The following HIBADH variants were observed in gnomAD, a reference collection of about 807,000 sequenced individuals.
HIBADH encodes 3-hydroxyisobutyrate dehydrogenase, also known as 3-hydroxyisobutyrate dehydrogenase, mitochondrial.
Under a neutral mutation model 36.1 loss-of-function variants are expected in HIBADH, and 25 were observed. That is an observed-to-expected ratio of 0.69 (90% CI 0.50 to 0.97). HIBADH has a LOEUF of 0.97. Among genes scored for constraint, HIBADH ranks in the 50% least tolerant of loss-of-function variants. The probability of loss-of-function intolerance (pLI) is 0.00; values close to 1 mark genes in which losing one functional copy is unlikely to be tolerated. For synonymous variants in HIBADH, 160 were observed against 149.5 expected (o/e 1.07, Z -0.51); for missense variants, 421 against 418.0 (o/e 1.01, Z -0.06).
chr7:27,531,221 CCT>C lies in HIBADH; in HGVS notation c.821_822del (p.Gln274ArgfsTer10). 1 of 1,613,822 alleles carries C rather than the reference CCT, an allele frequency of 6.2e-7. No individual in the cohort carries two copies. Among genetic ancestry groups the C allele is most frequent in the South Asian group, 1.1e-5 (1 of 91,052 alleles). On this transcript the variant is annotated frameshift_variant, in exon 7 of 8. Transcript: ENST00000265395. LOFTEE classifies it high-confidence loss of function. ...GCCATGAGTGTTGTTCCAAATCCACCCTGATAGTTATTAGCCGAGGGAACGCC... is the reference window on the plus strand; with the variant it reads ...GCCATGAGTGTTGTTCCAAATCCACCGATAGTTATTAGCCGAGGGAACGCC... ...MDGVPSANNY[Q>X]GGFGTTLMAK...
Position 27,623,291 on chromosome 7 carries a change from A to T in HIBADH, c.484+6080T>A, listed in dbSNP as rs117946149. ...GCCATATACAACACACTCACAGCTA[A>T]CATCATATGGAATGGGGGAAAGTTG... On this transcript the variant is annotated intron_variant, in intron 4 of 7. Coordinates refer to ENST00000265395, the MANE Select transcript of HIBADH (RefSeq NM_152740.4). 2.7e-4 allele frequency among the ~76,000 whole-genome samples: 41 copies of T among 152,314 alleles called. No individual in the cohort carries two copies. In the East Asian group the frequency reaches 7.7e-3, roughly 29 times the overall value.
At chr7:27,650,460 T>A (rs994585664) in intron 1 of HIBADH, among the ~76,000 whole-genome samples, 8 of 140,184 alleles carry the variant, frequency 5.7e-5, no homozygotes, top group African/African-American at 1.8e-4. Context: ...CTTATTATAT[T>A]TTTATTTATT....
At position 27,596,319 on chromosome 7, in the gene HIBADH, C is replaced by CACA. The variant is rs1475732581; in HGVS notation, c.484+33049_484+33051dup. Reference sequence around the variant, plus strand: ...CCTTTTCTAACATTATTAATCCATTCACAAGGGCAGAGCCCTCATGATCTA... The same window carrying CACA: ...CCTTTTCTAACATTATTAATCCATTCACAACAAGGGCAGAGCCCTCATGATCTA... On this transcript the variant is annotated intron_variant, in intron 4 of 7. Coordinates refer to ENST00000265395, the MANE Select transcript of HIBADH (RefSeq NM_152740.4). Among the ~76,000 whole-genome samples the CACA allele has an allele frequency of 2.0e-5, 3 of 152,224 alleles. No homozygotes were observed. In the East Asian group the frequency reaches 5.8e-4, roughly 29 times the overall value.
chr7:27,583,358 C>T (rs1784819197), intron 4 of HIBADH, among the ~76,000 whole-genome samples: 1 of 151,970 alleles, frequency 6.6e-6, no homozygotes, highest in Admixed American at 6.6e-5. Context: ...TGTTACAAAA[C>T]TAGTAAAAAG....
chr7:27,649,921 A>C (rs1169949827), intron 1 of HIBADH, among the ~76,000 whole-genome samples: 1 of 151,882 alleles, frequency 6.6e-6, no homozygotes, highest in African/African-American at 2.4e-5. Flanking sequence ...TTAAAAGGCA[A>C]ATTTTAAACT....
At chr7:27,544,600 G>C (rs923691894) in intron 4 of HIBADH, among the ~76,000 whole-genome samples, 1 of 151,868 alleles carries the variant, frequency 6.6e-6, no homozygotes, top group African/African-American at 2.4e-5. Flanking sequence ...TAATTATTTC[G>C]CTCAATTTCT....
intron 4 of HIBADH, among the ~76,000 whole-genome samples, chr7:27,573,551 TGGAAGAAGTATA>T (rs1784659623): frequency 6.6e-6 from 1 of 151,730 alleles, no homozygotes; most frequent in Non-Finnish European, 1.5e-5. Flanking sequence ...AAAACAGGAG[TGGAAGAAGTATA>T]GGAAAAAAGG....
chr7:27,579,062 A>C (rs1784754401), intron 4 of HIBADH, among the ~76,000 whole-genome samples: 2 of 152,210 alleles, frequency 1.3e-5, no homozygotes. Flanking sequence ...AAGATGAAGA[A>C]ACAAAACAAC....
intron 4 of HIBADH, among the ~76,000 whole-genome samples, chr7:27,606,562 G>A (rs977690359): frequency 6.6e-6 from 1 of 152,222 alleles, no homozygotes; most frequent in African/African-American, 2.4e-5. Context: ...TCAAGAGCTG[G>A]AGAATTCCCA....
At chr7:27,533,646 G>GT (rs1250415025) in intron 6 of HIBADH, among the ~76,000 whole-genome samples, 2 of 152,140 alleles carry the variant, frequency 1.3e-5, no homozygotes, top group Non-Finnish European at 2.9e-5. Context: ...CCCAAGGCTT[G>GT]TAATGGTCTG....
At chr7:27,630,859 A>T (rs1785735119) in intron 3 of HIBADH, among the ~76,000 whole-genome samples, 1 of 152,216 alleles carries the variant, frequency 6.6e-6, no homozygotes, top group African/African-American at 2.4e-5. Context: ...AGCATACTCC[A>T]AGAGTATGTA....
intron 4 of HIBADH, among the ~76,000 whole-genome samples, chr7:27,593,939 T>C (rs549074756): frequency 6.3e-4 from 96 of 151,266 alleles, no homozygotes; most frequent in South Asian, 6.3e-3. Context: ...AGGAGAATGG[T>C]ATGAACCCGG....
At chr7:27,544,518 T>C (rs1177655059) in intron 4 of HIBADH, among the ~76,000 whole-genome samples, 2 of 152,236 alleles carry the variant, frequency 1.3e-5, no homozygotes, top group African/African-American at 4.8e-5. Flanking sequence ...AACATTCTTA[T>C]AACATTAAAG....
chr7:27,580,400 A>G (rs899810832), intron 4 of HIBADH, among the ~76,000 whole-genome samples: 3 of 152,216 alleles, frequency 2.0e-5, no homozygotes, highest in South Asian at 2.1e-4. Flanking sequence ...TCAGTTCCCA[A>G]TAACAACAAC....
At chr7:27,643,188 C>T (rs1012891525) in intron 2 of HIBADH, among the ~76,000 whole-genome samples, 3 of 152,196 alleles carry the variant, frequency 2.0e-5, no homozygotes, top group Non-Finnish European at 4.4e-5. Context: ...TCTCGAGAAA[C>T]ATCTGTTACA....
chr7:27,599,500 G>A (rs1005288222), intron 4 of HIBADH, among the ~76,000 whole-genome samples: 2 of 151,764 alleles, frequency 1.3e-5, no homozygotes, highest in East Asian at 3.9e-4. Flanking sequence ...GGCTAACACG[G>A]TGAAACCCCA....
At chr7:27,586,339 AG>A in intron 4 of HIBADH, among the ~76,000 whole-genome samples, 1 of 139,354 alleles carries the variant, frequency 7.2e-6, no homozygotes, top group South Asian at 2.7e-4. Flanking sequence ...GTGGAAAAAA[AG>A]AAAGAGAGAA....
intron 2 of HIBADH, among the ~76,000 whole-genome samples, chr7:27,638,209 A>T (rs1203274727): frequency 6.7e-6 from 1 of 149,990 alleles, no homozygotes; most frequent in Non-Finnish European, 1.5e-5. Flanking sequence ...TAACCAAAAT[A>T]GCATGGTACT....
intron 4 of HIBADH, among the ~76,000 whole-genome samples, chr7:27,587,448 A>G (rs1240978051): frequency 6.6e-6 from 1 of 152,238 alleles, no homozygotes; most frequent in Non-Finnish European, 1.5e-5. Context: ...TGGACAAAAA[A>G]AAATGAATTA....
Sources: gnomAD v4.1 joint callset for allele counts (sites outside exome capture counted in the v4.1 genomes callset) on GRCh38, gnomAD v4.1.1 for gene constraint, MANE v1.5 for transcripts, NCBI Gene and HGNC (gene_info 2026-07-23, HGNC 2026-07-21) for gene names.